The following C10orf67 variants were observed in gnomAD, a reference collection of about 807,000 sequenced individuals.
The protein encoded by C10orf67 is uncharacterized protein C10orf67, mitochondrial.
A neutral mutation model predicts 35.6 loss-of-function variants in C10orf67; 60 were observed. The ratio of observed to expected loss-of-function variants is 1.68; its 90% CI spans 1.37 to 2.09. The LOEUF is 2.09. C10orf67 is among the 30% of genes most tolerant of loss of function. The pLI, the probability that C10orf67 is intolerant of heterozygous loss-of-function variation, is 0.00. For missense variants in C10orf67, 474 were observed against 330.2 expected (o/e 1.44, Z -3.38); for synonymous variants, 167 against 115.8 (o/e 1.44, Z -2.84).
chr10:23,277,298 A>G (rs1843221173), intron 8 of C10orf67, among the ~76,000 whole-genome samples: 1 of 152,178 alleles, frequency 6.6e-6, no homozygotes, highest in African/African-American at 2.4e-5. Flanking sequence ...CATGCTTGTA[A>G]TTCTAGCACT....
At chr10:23,316,829 G>A (rs1165072912) in intron 4 of C10orf67, 1 of 152,416 alleles carries the variant, frequency 6.6e-6, no homozygotes, top group Non-Finnish European at 1.5e-5. Flanking sequence ...ACTTCTGCCA[G>A]AGTCTGGCTG....
intron 2 of C10orf67, among the ~76,000 whole-genome samples, chr10:23,328,993 C>CAAAAAAAAAAAAAAAAA (rs57772405): frequency 2.4e-4 from 19 of 78,708 alleles, no homozygotes; most frequent in Non-Finnish European, 2.7e-4. Context: ...CATAAACGAA[C>CAAAAAAAAAAAAAAAAA]AAAAAAAAAA....
intron 8 of C10orf67, among the ~76,000 whole-genome samples, chr10:23,272,369 A>G (rs561253514): frequency 8.1e-4 from 124 of 152,330 alleles, no homozygotes; most frequent in African/African-American, 3.0e-3. Context: ...CTTTTACATG[A>G]GGTGTCAGGT....
chr10:23,328,009 A>T (rs1040633587), intron 2 of C10orf67, among the ~76,000 whole-genome samples: 1 of 152,174 alleles, frequency 6.6e-6, no homozygotes, highest in Non-Finnish European at 1.5e-5. Flanking sequence ...CATCTTTGAA[A>T]ATTTAATAAC....
chr10:23,208,222 C>G (rs1015818566), intron 15 of C10orf67, among the ~76,000 whole-genome samples: 6 of 152,198 alleles, frequency 3.9e-5, no homozygotes, highest in Non-Finnish European at 8.8e-5. Context: ...CGTAACTCAC[C>G]TGTAACTCAC....
At chr10:23,322,989 A>G (rs1406129599) in intron 2 of C10orf67, among the ~76,000 whole-genome samples, 2 of 152,162 alleles carry the variant, frequency 1.3e-5, no homozygotes, top group East Asian at 3.8e-4. Context: ...GATTTTTAAG[A>G]TGATTGTATG....
chr10:23,223,563 G>C (rs530021574), intron 15 of C10orf67, 35 bp downstream of exon 15: 1 of 717,044 alleles, frequency 1.4e-6, no homozygotes, highest in East Asian at 2.7e-5. Flanking sequence ...AGCCATTCTG[G>C]TGTGAACCTC....
chr10:23,247,241 G>A (rs1397852209), intron 12 of C10orf67, among the ~76,000 whole-genome samples: 1 of 152,028 alleles, frequency 6.6e-6, no homozygotes, highest in Non-Finnish European at 1.5e-5. Flanking sequence ...CTCACCTAGA[G>A]CAACTTCCAC....
intron 10 of C10orf67, among the ~76,000 whole-genome samples, chr10:23,253,612 A>C (rs1842521147): frequency 6.6e-6 from 1 of 152,234 alleles, no homozygotes; most frequent in African/African-American, 2.4e-5. Flanking sequence ...AAAGACATTA[A>C]TATACTTATT....
intron 8 of C10orf67, among the ~76,000 whole-genome samples, chr10:23,268,492 T>G (rs142969101): frequency 6.6e-6 from 1 of 152,296 alleles, no homozygotes; most frequent in African/African-American, 2.4e-5. Context: ...CTCATTGGCA[T>G]CTGAACAACA....
chr10:23,334,645 A>T (rs1845604874), intron 1 of C10orf67, among the ~76,000 whole-genome samples: 1 of 152,250 alleles, frequency 6.6e-6, no homozygotes, highest in African/African-American at 2.4e-5. Flanking sequence ...CATCACAGTT[A>T]TCCCACTCTG....
Position 23,223,956 on chromosome 10 carries a change from C to T in C10orf67, c.1435-138G>A, listed in dbSNP as rs1187823375. 63 of 619,660 alleles carry T rather than the reference C, an allele frequency of 1.0e-4. No homozygotes were observed. In the East Asian group the frequency reaches 1.3e-3, roughly 13 times the overall value. The allele number at this position is 619,660 out of a possible 1,614,324, so 38.4% of individuals were successfully genotyped here. ...TCACTTATTTGCTCAAATATGGCTGCGGAAATCCTTTTCTTCATTCCAATG... is the reference window on the plus strand; with the variant it reads ...TCACTTATTTGCTCAAATATGGCTGTGGAAATCCTTTTCTTCATTCCAATG... On this transcript the variant is annotated intron_variant, in intron 13 of 15. Transcript: ENST00000636213.
At chr10:23,229,361 C>T (rs937563598) in intron 13 of C10orf67, among the ~76,000 whole-genome samples, 3 of 142,524 alleles carry the variant, frequency 2.1e-5, no homozygotes, top group Non-Finnish European at 3.0e-5. Flanking sequence ...CATGTTCTCA[C>T]TCATAGATGG....
intron 12 of C10orf67, among the ~76,000 whole-genome samples, chr10:23,248,357 G>C (rs141295186): frequency 6.6e-6 from 1 of 152,146 alleles, no homozygotes; most frequent in African/African-American, 2.4e-5. Context: ...ATAGGCAGTC[G>C]CATCAGGCTT....
At chr10:23,340,564 T>C (rs934443333) in intron 1 of C10orf67, among the ~76,000 whole-genome samples, 2 of 152,138 alleles carry the variant, frequency 1.3e-5, no homozygotes, top group Admixed American at 1.3e-4. Flanking sequence ...AGCCCATGAC[T>C]CTCCGATTTC....
At chr10:23,222,197 G>A (rs985986540) in intron 15 of C10orf67, among the ~76,000 whole-genome samples, 2 of 152,064 alleles carry the variant, frequency 1.3e-5, no homozygotes, top group African/African-American at 2.4e-5. Flanking sequence ...AGGGAGTGAC[G>A]GTGTTTGTTT....
At chr10:23,230,561 C>G (rs572026837) in intron 13 of C10orf67, among the ~76,000 whole-genome samples, 1 of 152,114 alleles carries the variant, frequency 6.6e-6, no homozygotes, top group South Asian at 2.1e-4. Context: ...ATACATATAA[C>G]TGGTAAAGGA....
chr10:23,344,097 G>T, intron 1 of C10orf67: 1 of 206,224 alleles, frequency 4.8e-6, no homozygotes, highest in Non-Finnish European at 1.0e-5. Flanking sequence ...CCAGGTAACC[G>T]GCGAAGCGCG....
At chr10:23,227,247 G>T (rs1807854501) in intron 13 of C10orf67, among the ~76,000 whole-genome samples, 1 of 152,206 alleles carries the variant, frequency 6.6e-6, no homozygotes, top group African/African-American at 2.4e-5. Flanking sequence ...ACATGATCAA[G>T]TGGGCTTCAT....
Sources: gnomAD v4.1 joint callset for allele counts (sites outside exome capture counted in the v4.1 genomes callset) on GRCh38, gnomAD v4.1.1 for gene constraint, MANE v1.5 for transcripts, NCBI Gene and HGNC (gene_info 2026-07-23, HGNC 2026-07-21) for gene names.